POU2F3: variants seen among roughly 807,000 people sequenced by gnomAD.
POU2F3 encodes POU class 2 homeobox 3.
In POU2F3, 23 loss-of-function variants were observed where a neutral mutation model predicts 59.2. That is an observed-to-expected ratio of 0.39 (90% CI 0.28 to 0.55). POU2F3 has a LOEUF of 0.55. Among genes scored for constraint, POU2F3 ranks in the 20% least tolerant of loss-of-function variants. The pLI, the probability that POU2F3 is intolerant of heterozygous loss-of-function variation, is 0.66. For synonymous variants in POU2F3, 190 were observed against 214.6 expected (o/e 0.89, Z 1.00); for missense variants, 473 against 544.5 (o/e 0.87, Z 1.31).
intron 3 of POU2F3, among the ~76,000 whole-genome samples, chr11:120,281,628 T>A (rs1940574441): frequency 6.6e-6 from 1 of 152,100 alleles, no homozygotes; most frequent in Admixed American, 6.5e-5. Context: ...GCTGTGCTTT[T>A]CTTTCTTGGC....
At chr11:120,239,059 G>A (rs1035012422), upstream of POU2F3, among the ~76,000 whole-genome samples, 18 of 152,248 alleles carry the variant, frequency 1.2e-4, no homozygotes, top group African/African-American at 4.3e-4. Flanking sequence ...GGAGTGCACG[G>A]TGGGATGGGC....
intron 3 of POU2F3, 65 bp from the exon 4 acceptor site, chr11:120,298,200 C>A: frequency 6.5e-7 from 1 of 1,532,296 alleles, no homozygotes; most frequent in South Asian, 1.2e-5. Flanking sequence ...ATCTTCCTGC[C>A]ATTTCCATCT....
At chr11:120,269,143 T>C in intron 2 of POU2F3, 67 bp from the exon 3 acceptor site, 1 of 1,339,930 alleles carries the variant, frequency 7.5e-7, no homozygotes. Context: ...CATCCTAGTT[T>C]TTTTCTAACC....
intron 2 of POU2F3, among the ~76,000 whole-genome samples, chr11:120,268,258 A>G (rs1248945980): frequency 6.6e-6 from 1 of 152,136 alleles, no homozygotes; most frequent in African/African-American, 2.4e-5. Flanking sequence ...ATTAATTATG[A>G]CGTCCTCTCG....
chr11:120,251,685 A>G (rs11827471), intron 2 of POU2F3, among the ~76,000 whole-genome samples: 14,013 of 151,802 alleles, frequency 0.092, 1,441 homozygotes, highest in East Asian at 0.61. Context: ...TTTTGGAGAC[A>G]TTTCAAACCC....
intron 1 of POU2F3, among the ~76,000 whole-genome samples, chr11:120,243,190 CT>C (rs1230550440): frequency 6.6e-6 from 1 of 152,136 alleles, no homozygotes; most frequent in African/African-American, 2.4e-5. Flanking sequence ...CCGGTGGGTC[CT>C]TTGAAGTCTC....
intron 7 of POU2F3, 107 bp downstream of exon 7, chr11:120,305,319 C>A: frequency 7.8e-7 from 1 of 1,289,246 alleles, no homozygotes; most frequent in South Asian, 1.5e-5. Flanking sequence ...TGTTTGGGGT[C>A]TCCTCATCAT....
In POU2F3 at chr11:120,244,312, G is replaced by A. The variant is rs534120194; in HGVS notation, c.29-2137G>A. Among the ~76,000 whole-genome samples, 6 of 152,330 alleles carry A rather than the reference G, an allele frequency of 3.9e-5. No individual in the cohort carries two copies. In the East Asian group the frequency reaches 1.2e-3, roughly 29 times the overall value. On this transcript the variant is annotated intron_variant, in intron 1 of 12. Coordinates refer to ENST00000543440, the MANE Select transcript of POU2F3 (RefSeq NM_014352.4). ...GAGGGGCATGAGAAGAAGGCAGGAA[G>A]GGAAGCGGACTAGCATCTAAGCCTA...
intron 4 of POU2F3, 58 bp from the exon 5 acceptor site, chr11:120,299,566 G>C: frequency 6.7e-7 from 1 of 1,499,390 alleles, no homozygotes. Flanking sequence ...GCAGGCAGAT[G>C]GGGCTGATGT....
At chr11:120,302,220 A>C in intron 5 of POU2F3, 66 bp from the exon 6 acceptor site, 3 of 1,377,292 alleles carry the variant, frequency 2.2e-6, no homozygotes, top group African/African-American at 1.4e-5. Context: ...CCAAAGTTGT[A>C]GCACATGTGT....
At chr11:120,274,108 A>AAAGAAGG (rs1555073792) in intron 3 of POU2F3, among the ~76,000 whole-genome samples, 3 of 116,156 alleles carry the variant, frequency 2.6e-5, no homozygotes, top group Non-Finnish European at 5.4e-5. Context: ...AGGAAGGAAG[A>AAAGAAGG]AAGGAAGGAA....
At chr11:120,261,330 A>T (rs1939596145) in intron 2 of POU2F3, 1 of 152,144 alleles carries the variant, frequency 6.6e-6, no homozygotes, top group South Asian at 2.1e-4. Flanking sequence ...CTGTAAAATG[A>T]GGTGAATAAT....
At chr11:120,304,186 C>T (rs999506023) in intron 6 of POU2F3, 1 of 151,982 alleles carries the variant, frequency 6.6e-6, no homozygotes, top group Non-Finnish European at 1.5e-5. Flanking sequence ...CAAAAGTTAG[C>T]CAGGTGTGGT....
intron 2 of POU2F3, among the ~76,000 whole-genome samples, chr11:120,260,868 G>T: frequency 6.6e-6 from 1 of 152,116 alleles, no homozygotes; most frequent in East Asian, 1.9e-4. Context: ...AGGAGTTCCA[G>T]GTTAGCTTGG....
In POU2F3 at chr11:120,293,836, C is replaced by T. The variant is rs115583663; in HGVS notation, c.133-4429C>T. Reference sequence around the variant, plus strand: ...GTCTGGGCCAGAAGACCACCTTTTCCGTCACCGATGGTCTATTCTCTCTCC... The same window carrying T: ...GTCTGGGCCAGAAGACCACCTTTTCTGTCACCGATGGTCTATTCTCTCTCC... On this transcript the variant is annotated intron_variant, in intron 3 of 12. Coordinates refer to ENST00000543440, the MANE Select transcript of POU2F3 (RefSeq NM_014352.4). 3.6e-3 allele frequency among the ~76,000 whole-genome samples: 543 copies of T among 152,246 alleles called. 6 individuals carry two copies. Among genetic ancestry groups the T allele is most frequent in the African/African-American group, 0.012 (504 of 41,524 alleles).
At chr11:120,247,239 A>G (rs1413461229) in intron 2 of POU2F3, among the ~76,000 whole-genome samples, 2 of 152,234 alleles carry the variant, frequency 1.3e-5, no homozygotes, top group Non-Finnish European at 2.9e-5. Flanking sequence ...TAGCACCACC[A>G]AATAACTTTA....
intron 5 of POU2F3, 148 bp from the exon 6 acceptor site, chr11:120,302,138 C>T: frequency 1.6e-6 from 1 of 638,288 alleles, no homozygotes; most frequent in Admixed American, 2.7e-5. Flanking sequence ...GCTAGGAGGG[C>T]CTCTCCATGG....
In POU2F3 at chr11:120,317,288, C is replaced by A. The variant is rs750869748; in HGVS notation, c.1195C>A (p.His399Asn). The A allele has an allele frequency of 8.7e-6, 14 of 1,614,060 alleles. No individual in the cohort carries two copies. The highest frequency in any genetic ancestry group is 1.2e-5 in the Non-Finnish European group (14 of 1,179,900). ...SRPSSPGSGL[H>N]ASSPTASQNN... Reference sequence around the variant, plus strand: ...GCCTTCATCTCCTGGCTCAGGACTCCACGCCAGCAGCCCCACTGCATCTCA... The same window carrying A: ...GCCTTCATCTCCTGGCTCAGGACTCAACGCCAGCAGCCCCACTGCATCTCA... The change falls in exon 12 of 13, where the codon CAC becomes AAC. Residue 399 changes from histidine to asparagine, a missense_variant. His to Asn is a moderately conservative substitution (Grantham distance 68, BLOSUM62 1). Coordinates refer to ENST00000543440, the MANE Select transcript of POU2F3 (RefSeq NM_014352.4).
rs75070567 is a variant in POU2F3, at chr11:120,267,033, A to ATT, written c.98-2170_98-2169dup. Among the ~76,000 whole-genome samples the ATT allele has an allele frequency of 5.3e-5, 8 of 151,904 alleles. 1 individual carries two copies. In the East Asian group the frequency reaches 1.5e-3, roughly 29 times the overall value. On this transcript the variant is annotated intron_variant, in intron 2 of 12. Transcript: ENST00000543440. ...TACAACATCACAATGTCACAAAGGG[A>ATT]TTTTTTTTAAGAGAAAAGCAATTTT...
Sources: gnomAD v4.1 joint callset for allele counts (sites outside exome capture counted in the v4.1 genomes callset) on GRCh38, gnomAD v4.1.1 for gene constraint, MANE v1.5 for transcripts, NCBI Gene and HGNC (gene_info 2026-07-23, HGNC 2026-07-21) for gene names.